Variants in PTPRD observed in about 807,000 individuals in gnomAD.
PTPRD encodes protein tyrosine phosphatase receptor type D, also known as receptor-type tyrosine-protein phosphatase delta.
Under a neutral mutation model 214.5 loss-of-function variants are expected in PTPRD, and 34 were observed. The ratio of observed to expected loss-of-function variants is 0.16; its 90% CI spans 0.12 to 0.21. The LOEUF is 0.21. Among genes scored for constraint, PTPRD ranks in the 10% least tolerant of loss-of-function variants. The pLI, the probability that PTPRD is intolerant of heterozygous loss-of-function variation, is 1.00. For missense variants in PTPRD, 2,545 were observed against 2,398.7 expected (o/e 1.06, Z -1.27); for synonymous variants, 1,128 against 845.7 (o/e 1.33, Z -5.79).
chr9:9,078,624 G>T (rs377580326), intron 10 of PTPRD, among the ~76,000 whole-genome samples: 1 of 151,418 alleles, frequency 6.6e-6, no homozygotes, highest in South Asian at 2.1e-4. Context: ...CAGTCTCTGG[G>T]AAAGGAGTTG....
At chr9:8,682,549 AC>A (rs1306905964) in intron 12 of PTPRD, among the ~76,000 whole-genome samples, 1 of 152,160 alleles carries the variant, frequency 6.6e-6, no homozygotes, top group East Asian at 1.9e-4. Flanking sequence ...ATTATAAAAA[AC>A]ATTTAAAAAT....
At chr9:10,329,513 C>T (rs1338957110) in intron 3 of PTPRD, among the ~76,000 whole-genome samples, 1 of 151,720 alleles carries the variant, frequency 6.6e-6, no homozygotes, top group Admixed American at 6.6e-5. Context: ...TCTACTTGCA[C>T]TTCTGATAGG....
chr9:8,654,000 T>C (rs2096862781), intron 12 of PTPRD, among the ~76,000 whole-genome samples: 1 of 152,162 alleles, frequency 6.6e-6, no homozygotes, highest in African/African-American at 2.4e-5. Flanking sequence ...CTTTCACTAC[T>C]GACATTTTGG....
intron 9 of PTPRD, among the ~76,000 whole-genome samples, chr9:9,287,458 T>A (rs1949868486): frequency 6.6e-6 from 1 of 152,020 alleles, no homozygotes; most frequent in Non-Finnish European, 1.5e-5. Context: ...TGATAATTTT[T>A]CTATCCAGCC....
chr9:8,751,131 G>A (rs548643483), intron 11 of PTPRD, among the ~76,000 whole-genome samples: 14 of 152,228 alleles, frequency 9.2e-5, no homozygotes, highest in East Asian at 3.9e-4. Flanking sequence ...GCTTTTTAAT[G>A]TTTTCAGCTG....
At chr9:9,190,622 A>G (rs1291861956) in intron 9 of PTPRD, among the ~76,000 whole-genome samples, 2 of 152,012 alleles carry the variant, frequency 1.3e-5, no homozygotes, top group Non-Finnish European at 2.9e-5. Flanking sequence ...ACATAGCACA[A>G]AAGCCCTAGG....
intron 5 of PTPRD, among the ~76,000 whole-genome samples, chr9:9,919,795 C>T (rs765335973): frequency 8.5e-5 from 13 of 152,120 alleles, no homozygotes; most frequent in Non-Finnish European, 1.8e-4. Context: ...GAGCCTCAGT[C>T]TTCGTTACTG....
intron 3 of PTPRD, among the ~76,000 whole-genome samples, chr9:10,216,969 TC>T (rs1307845209): frequency 6.6e-6 from 1 of 152,008 alleles, no homozygotes; most frequent in Non-Finnish European, 1.5e-5. Context: ...CAGAACATAT[TC>T]ATTATATGGT....
intron 3 of PTPRD, among the ~76,000 whole-genome samples, chr9:10,270,862 T>C (rs964918902): frequency 2.6e-5 from 4 of 150,984 alleles, no homozygotes; most frequent in African/African-American, 9.8e-5. Flanking sequence ...TATTTTTTTA[T>C]GTTTCTTTTG....
intron 14 of PTPRD, among the ~76,000 whole-genome samples, chr9:8,617,757 A>G (rs1392112364): frequency 3.9e-5 from 6 of 152,116 alleles, no homozygotes; most frequent in Non-Finnish European, 5.9e-5. Context: ...AAGTATTTCT[A>G]TAAGTGTATT....
intron 9 of PTPRD, among the ~76,000 whole-genome samples, chr9:9,184,576 G>T (rs2099930226): frequency 6.6e-6 from 1 of 152,022 alleles, no homozygotes; most frequent in South Asian, 2.1e-4. Flanking sequence ...ACATCTATTG[G>T]CACTGCGTTT....
chr9:9,398,944 C>A (rs1470032079), intron 8 of PTPRD, among the ~76,000 whole-genome samples: 1 of 151,990 alleles, frequency 6.6e-6, no homozygotes, highest in African/African-American at 2.4e-5. Flanking sequence ...TATGCTAGAT[C>A]AGACTCTGCC....
chr9:9,325,104 A>G (rs751438115), intron 9 of PTPRD, among the ~76,000 whole-genome samples: 10 of 152,124 alleles, frequency 6.6e-5, no homozygotes, highest in Non-Finnish European at 1.3e-4. Flanking sequence ...GCCTTGTAGT[A>G]TAGTTTGAAG....
intron 11 of PTPRD, among the ~76,000 whole-genome samples, chr9:8,943,159 A>C (rs981237988): frequency 4.6e-5 from 7 of 152,160 alleles, no homozygotes; most frequent in Admixed American, 6.5e-5. Flanking sequence ...AAGATATTCT[A>C]TGTTCATGGA....
rs1469424163 is a variant in PTPRD, at chr9:8,462,177, C to A, written c.3715-1606G>T. ...ATGAGTTTCTTAATTTTTCCCAGAT[C>A]CTTCTTCCCTTCCTCCTCACTTCCC... On this transcript the variant is annotated intron_variant, in intron 32 of 45. Transcript: ENST00000381196. Among the ~76,000 whole-genome samples the A allele has an allele frequency of 3.9e-5, 6 of 151,932 alleles. No individual in the cohort carries two copies. The East Asian group carries it at 9.7e-4, about 25-fold the overall frequency.
At chr9:9,452,250 A>G (rs1458183258) in intron 8 of PTPRD, among the ~76,000 whole-genome samples, 2 of 151,420 alleles carry the variant, frequency 1.3e-5, no homozygotes, top group Non-Finnish European at 1.5e-5. Context: ...TTGACAATAG[A>G]ATAATATTTT....
intron 12 of PTPRD, among the ~76,000 whole-genome samples, chr9:8,641,252 G>C (rs1378340078): frequency 3.4e-5 from 5 of 148,190 alleles, no homozygotes; most frequent in Admixed American, 3.3e-4. Flanking sequence ...TTTGAATCGT[G>C]AAAATCTCCG....
At chr9:8,575,309 C>T (rs1564454093) in intron 14 of PTPRD, among the ~76,000 whole-genome samples, 1 of 152,046 alleles carries the variant, frequency 6.6e-6, no homozygotes, top group African/African-American at 2.4e-5. Context: ...GTATCCAGTA[C>T]CAACACACTC....
At chr9:8,923,316 A>G (rs909007213) in intron 11 of PTPRD, among the ~76,000 whole-genome samples, 1 of 152,106 alleles carries the variant, frequency 6.6e-6, no homozygotes, top group African/African-American at 2.4e-5. Context: ...TGCTGGGATT[A>G]CAGGCATGAG....
Sources: allele counts gnomAD v4.1 joint callset (sites outside exome capture counted in the v4.1 genomes callset), GRCh38; gene constraint gnomAD v4.1.1; transcripts MANE v1.5; gene names NCBI Gene and HGNC (gene_info 2026-07-23, HGNC 2026-07-21).